RHPN2: variants seen among roughly 807,000 people sequenced by gnomAD.
RHPN2 encodes rhophilin Rho GTPase binding protein 2.
A neutral mutation model predicts 79.0 loss-of-function variants in RHPN2; 40 were observed. That is an observed-to-expected ratio of 0.51 (90% CI 0.39 to 0.66). The LOEUF (loss-of-function observed/expected upper bound fraction) is 0.66. Among genes scored for constraint, RHPN2 ranks in the 30% least tolerant of loss-of-function variants. RHPN2 has a pLI of 0.00. For synonymous variants in RHPN2, 285 were observed against 363.5 expected (o/e 0.78, Z 2.46); for missense variants, 686 against 883.5 (o/e 0.78, Z 2.83).
chr19:33,038,273 C>G (rs1274374536), intron 2 of RHPN2, among the ~76,000 whole-genome samples: 1 of 149,172 alleles, frequency 6.7e-6, no homozygotes, highest in Non-Finnish European at 1.5e-5. Flanking sequence ...CGCTTGAACC[C>G]AGGAGGCAAC....
chr19:33,006,194 A>T (rs200574365), intron 7 of RHPN2, among the ~76,000 whole-genome samples: 3 of 63,556 alleles, frequency 4.7e-5, no homozygotes, highest in Non-Finnish European at 8.9e-5. Context: ...TCATTAATTT[A>T]AAAAAAAAAA....
intron 4 of RHPN2, among the ~76,000 whole-genome samples, chr19:33,014,931 T>C (rs1427109244): frequency 6.6e-6 from 1 of 150,858 alleles, no homozygotes; most frequent in African/African-American, 2.4e-5. Flanking sequence ...TCTCTACAAA[T>C]AATAAAAAAT....
At chr19:33,064,755 T>TGCCCCCC in intron 1 of RHPN2, 29 bp downstream of exon 1, 5 of 1,427,944 alleles carry the variant, frequency 3.5e-6, no homozygotes, top group Non-Finnish European at 4.7e-6. Flanking sequence ...AGCCCGCAGG[T>TGCCCCCC]CCCCGCCCGC....
intron 2 of RHPN2, among the ~76,000 whole-genome samples, chr19:33,031,251 T>C (rs140053464): frequency 3.0e-5 from 4 of 132,484 alleles, no homozygotes; most frequent in African/African-American, 8.0e-5. Flanking sequence ...TTCTATTCTA[T>C]TCTACTCTAT....
At chr19:33,057,255 A>T (rs904061479) in intron 1 of RHPN2, among the ~76,000 whole-genome samples, 1 of 151,702 alleles carries the variant, frequency 6.6e-6, no homozygotes, top group Non-Finnish European at 1.5e-5. Context: ...AGACAGGAGG[A>T]TCACTGGAGC....
rs543790375 is a variant in RHPN2 at position 32,981,312 on chromosome 19, A to T, written c.1801-1056T>A. ...CAGCTACCTGGGAGGCTTAGAGGGG[A>T]AGATTGCTTGAGCCCAGGAGGTTGA... On this transcript the variant is annotated intron_variant, in intron 14 of 14. Coordinates refer to ENST00000254260, the MANE Select transcript of RHPN2 (RefSeq NM_033103.5). Among the ~76,000 whole-genome samples the T allele has an allele frequency of 1.8e-4, 27 of 149,696 alleles. No individual in the cohort carries two copies. The South Asian group carries it at 5.8e-3, about 32-fold the overall frequency.
intron 10 of RHPN2, among the ~76,000 whole-genome samples, chr19:32,996,797 C>A: frequency 6.6e-6 from 1 of 152,044 alleles, no homozygotes; most frequent in East Asian, 1.9e-4. Context: ...CTCTCAGTCA[C>A]CGGCTAATAA....
chr19:32,986,534 G>C (rs983208830), intron 14 of RHPN2, among the ~76,000 whole-genome samples: 1 of 152,002 alleles, frequency 6.6e-6, no homozygotes, highest in African/African-American at 2.4e-5. Flanking sequence ...GGTGGCTCAC[G>C]CCTGTAATCC....
intron 10 of RHPN2, 112 bp downstream of exon 10, chr19:32,999,474 C>G: frequency 8.2e-7 from 1 of 1,220,322 alleles, no homozygotes; most frequent in Non-Finnish European, 1.2e-6. Context: ...CACGATGACT[C>G]GGAACACCCC....
intron 1 of RHPN2, among the ~76,000 whole-genome samples, chr19:33,061,920 G>A (rs963611263): frequency 1.3e-5 from 2 of 151,800 alleles, no homozygotes; most frequent in South Asian, 4.2e-4. Flanking sequence ...CGCCTGCCTC[G>A]GCCTCCCAAA....
chr19:33,060,493 T>C (rs1015556278), intron 1 of RHPN2, among the ~76,000 whole-genome samples: 1 of 152,090 alleles, frequency 6.6e-6, no homozygotes, highest in African/African-American at 2.4e-5. Context: ...GTGGAAAGAA[T>C]GGGTGATTGA....
chr19:33,047,332 T>G (rs1390402198), intron 1 of RHPN2, among the ~76,000 whole-genome samples: 1 of 152,194 alleles, frequency 6.6e-6, no homozygotes, highest in Non-Finnish European at 1.5e-5. Flanking sequence ...CTTTAATTTC[T>G]TTTTCAACAA....
At chr19:33,038,727 G>A (rs952488579) in intron 2 of RHPN2, among the ~76,000 whole-genome samples, 4 of 151,918 alleles carry the variant, frequency 2.6e-5, no homozygotes, top group Admixed American at 6.6e-5. Flanking sequence ...GCGCGATCTC[G>A]GCTCACTGCA....
chr19:33,034,329 G>A (rs1189349894), intron 2 of RHPN2, among the ~76,000 whole-genome samples: 2 of 151,148 alleles, frequency 1.3e-5, no homozygotes, highest in Admixed American at 1.3e-4. Flanking sequence ...AAGTTGGCCG[G>A]GCGCGGTGGC....
intron 1 of RHPN2, among the ~76,000 whole-genome samples, chr19:33,053,709 C>T (rs1972208296): frequency 6.6e-6 from 1 of 152,090 alleles, no homozygotes; most frequent in Admixed American, 6.6e-5. Flanking sequence ...GCGTGAGCCA[C>T]TGTACCTGGA....
chr19:32,986,517 C>T (rs192983100), intron 14 of RHPN2, among the ~76,000 whole-genome samples: 9 of 152,164 alleles, frequency 5.9e-5, no homozygotes, highest in Admixed American at 4.6e-4. Context: ...TGAAGTATGT[C>T]GGGTGAGGTG....
chr19:32,997,320 A>T (rs1264730103), intron 10 of RHPN2, among the ~76,000 whole-genome samples: 1 of 152,204 alleles, frequency 6.6e-6, no homozygotes, highest in African/African-American at 2.4e-5. Flanking sequence ...AACTGCCCCC[A>T]CATTCATGGA....
chr19:33,028,445 C>T (rs1971984852), intron 2 of RHPN2, among the ~76,000 whole-genome samples: 2 of 152,198 alleles, frequency 1.3e-5, no homozygotes, highest in Admixed American at 1.3e-4. Context: ...GCATGAGCCA[C>T]TGTGCCTGGC....
intron 1 of RHPN2, 29 bp downstream of exon 1, chr19:33,064,755 T>TGGGGGCC: frequency 2.2e-5 from 31 of 1,427,818 alleles, no homozygotes; most frequent in Non-Finnish European, 2.8e-5. Context: ...AGCCCGCAGG[T>TGGGGGCC]CCCCGCCCGC....
Sources: allele counts gnomAD v4.1 joint callset (sites outside exome capture counted in the v4.1 genomes callset), GRCh38; gene constraint gnomAD v4.1.1; transcripts MANE v1.5; gene names NCBI Gene and HGNC (gene_info 2026-07-23, HGNC 2026-07-21).